The following ABCG2 variants were observed in gnomAD, a reference collection of about 807,000 sequenced individuals.
ABCG2 encodes broad substrate specificity ATP-binding cassette transporter ABCG2.
A neutral mutation model predicts 73.5 loss-of-function variants in ABCG2; 80 were observed. The ratio of observed to expected loss-of-function variants is 1.09; its 90% CI spans 0.91 to 1.31. The LOEUF (loss-of-function observed/expected upper bound fraction) is 1.31. Among genes scored for constraint, ABCG2 ranks in the 50% most tolerant of loss-of-function variants. The probability of loss-of-function intolerance (pLI) is 0.00; values close to 1 mark genes in which losing one functional copy is unlikely to be tolerated. For synonymous variants in ABCG2, 269 were observed against 282.4 expected (o/e 0.95, Z 0.48); for missense variants, 796 against 786.2 (o/e 1.01, Z -0.15).
chr4:88,201,399 A>G lies in ABCG2; in HGVS notation c.-20+29595T>C, dbSNP rs1268644207. Among the ~76,000 whole-genome samples, 5 of 152,300 alleles carry G rather than the reference A, an allele frequency of 3.3e-5. No individual in the cohort carries two copies. The East Asian group carries it at 7.7e-4, about 23-fold the overall frequency. On this transcript the variant is annotated intron_variant, in intron 1 of 15. Transcript: ENST00000515655. The stretch of plus-strand genomic sequence containing the variant: ...GAATTTGATAACCTAGATGAAATGG[A>G]CCAATTCCTTGAAAGATGCAATCTG...
chr4:88,172,903 T>G (rs1481631448), intron 1 of ABCG2, among the ~76,000 whole-genome samples: 2 of 152,266 alleles, frequency 1.3e-5, no homozygotes, highest in East Asian at 3.9e-4. Flanking sequence ...CTCTGTGTAG[T>G]GAACTTTTTA....
Position 88,131,051 on chromosome 4 carries a change from T to G in ABCG2, c.531+10A>C, listed in dbSNP as rs1015997722. On this transcript the variant is annotated intron_variant, in intron 5 of 15. Transcript: ENST00000237612. ...TGCTGATCATGATGCTTTCAGTTTTTCCACATTACCTTGGAGTCTGCCACT... is the reference window on the plus strand; with the variant it reads ...TGCTGATCATGATGCTTTCAGTTTTGCCACATTACCTTGGAGTCTGCCACT... 1.2e-5 allele frequency: 19 copies of G among 1,613,664 alleles called. No individual in the cohort carries two copies. The highest frequency in any genetic ancestry group is 1.7e-4 in the Middle Eastern group (1 of 6,060).
intron 1 of ABCG2, among the ~76,000 whole-genome samples, chr4:88,197,611 T>C (rs1728986242): frequency 6.6e-6 from 1 of 151,910 alleles, no homozygotes; most frequent in East Asian, 1.9e-4. Flanking sequence ...AGTAAGACCC[T>C]GTCTCAAAAT....
At chr4:88,110,556 G>A (rs1263267926) in intron 9 of ABCG2, among the ~76,000 whole-genome samples, 2 of 152,002 alleles carry the variant, frequency 1.3e-5, no homozygotes, top group East Asian at 3.9e-4. Context: ...AAAAAAAAGG[G>A]GGTCTTGCTT....
intron 1 of ABCG2, among the ~76,000 whole-genome samples, chr4:88,177,040 G>A (rs1728016960): frequency 6.6e-6 from 1 of 152,124 alleles, no homozygotes; most frequent in South Asian, 2.1e-4. Flanking sequence ...CTATGGAAAA[G>A]AGAAGCAAAA....
rs187463120 is a variant in ABCG2 at position 88,198,226 on chromosome 4, G to C, written c.-20+32768C>G. Among the ~76,000 whole-genome samples the C allele has an allele frequency of 2.4e-3, 361 of 152,072 alleles. 3 individuals are homozygous for C. The highest frequency in any genetic ancestry group is 7.9e-3 in the African/African-American group (327 of 41,454). On this transcript the variant is annotated intron_variant, in intron 1 of 15. Coordinates refer to the ABCG2 transcript ENST00000515655. ...CGCGTGCCTGTAATCCCAGCTACTC[G>C]GGAGGCTGAGACAGGAGAATAGCTT...
chr4:88,115,672 AT>A (rs1723528017), intron 7 of ABCG2, among the ~76,000 whole-genome samples: 1 of 151,626 alleles, frequency 6.6e-6, no homozygotes, highest in African/African-American at 2.4e-5. Flanking sequence ...CCAACCTTGG[AT>A]TTGCAGGGCA....
intron 1 of ABCG2, among the ~76,000 whole-genome samples, chr4:88,202,380 A>G (rs1729221703): frequency 7.4e-6 from 1 of 135,488 alleles, no homozygotes; most frequent in Non-Finnish European, 1.6e-5. Context: ...ATATATATGT[A>G]TATTTTAATT....
At chr4:88,101,155 A>G (rs1375167265) in intron 11 of ABCG2, 75 bp downstream of exon 11, 2 of 1,289,186 alleles carry the variant, frequency 1.6e-6, no homozygotes, top group South Asian at 1.3e-5. Flanking sequence ...CTTGGCCCCA[A>G]CCCCAGATGT....
At position 88,121,634 on chromosome 4, in the gene ABCG2, C is replaced by T. The variant is rs757389397; in HGVS notation, c.689+1G>A. ...AAGAATAATGTTTCCAGAGCATTTA[C>T]CTTTTCAGGAGCAAAAGGACAGCAT... On this transcript the variant is annotated splice_donor_variant, in intron 6 of 15. Transcript: ENST00000237612. LOFTEE classifies it high-confidence loss of function. 3.1e-6 allele frequency: 5 copies of T among 1,613,232 alleles called. No individual in the cohort carries two copies. Among genetic ancestry groups the T allele is most frequent in the South Asian group, 2.2e-5 (2 of 90,820 alleles).
intron 1 of ABCG2, among the ~76,000 whole-genome samples, chr4:88,197,830 A>T: frequency 6.6e-6 from 1 of 151,832 alleles, no homozygotes; most frequent in East Asian, 1.9e-4. Context: ...CCAGGAGTTC[A>T]AGACCAGCCT....
At chr4:88,177,156 AG>A (rs1728025640) in intron 1 of ABCG2, among the ~76,000 whole-genome samples, 1 of 152,106 alleles carries the variant, frequency 6.6e-6, no homozygotes, top group South Asian at 2.1e-4. Flanking sequence ...GCGGATCGCA[AG>A]GTCAGGAGAT....
intron 1 of ABCG2, among the ~76,000 whole-genome samples, chr4:88,153,387 G>A (rs1449907676): frequency 2.0e-5 from 3 of 152,106 alleles, no homozygotes; most frequent in Non-Finnish European, 4.4e-5. Flanking sequence ...GCTCAAATGG[G>A]CTGTATTTTG....
intron 13 of ABCG2, 24 bp downstream of exon 13, chr4:88,097,429 A>G (rs1324431836): frequency 6.2e-7 from 1 of 1,605,326 alleles, no homozygotes; most frequent in Non-Finnish European, 8.5e-7. Flanking sequence ...ATTCCTTATC[A>G]GAGCAAACAC....
intron 1 of ABCG2, among the ~76,000 whole-genome samples, chr4:88,197,070 A>T (rs1728962613): frequency 6.6e-6 from 1 of 151,938 alleles, no homozygotes; most frequent in Admixed American, 6.6e-5. Flanking sequence ...GCTTACTAAA[A>T]AAACCAAGAC....
intron 15 of ABCG2, among the ~76,000 whole-genome samples, chr4:88,093,604 C>A (rs142570363): frequency 2.3e-3 from 355 of 151,694 alleles, no homozygotes; most frequent in African/African-American, 8.0e-3. Flanking sequence ...TCCTCCTTAT[C>A]TGGTCCCATT....
intron 2 of ABCG2, among the ~76,000 whole-genome samples, chr4:88,134,117 T>G (rs1467685199): frequency 1.3e-5 from 2 of 152,176 alleles, no homozygotes; most frequent in African/African-American, 4.8e-5. Flanking sequence ...TTACAATATA[T>G]TCCACAGAGA....
chr4:88,180,817 C>T (rs1383637841), intron 1 of ABCG2, among the ~76,000 whole-genome samples: 1 of 151,864 alleles, frequency 6.6e-6, no homozygotes, highest in Admixed American at 6.6e-5. Flanking sequence ...TAAGGAATCA[C>T]CTGAAGGTAC....
chr4:88,154,289 G>A (rs112148554), intron 1 of ABCG2, among the ~76,000 whole-genome samples: 6 of 152,126 alleles, frequency 3.9e-5, no homozygotes, highest in South Asian at 4.1e-4. Flanking sequence ...GAAGTAAAGC[G>A]GCTTTGAGAA....
Sources: gnomAD v4.1 joint callset for allele counts (sites outside exome capture counted in the v4.1 genomes callset) on GRCh38, gnomAD v4.1.1 for gene constraint, MANE v1.5 for transcripts, NCBI Gene and HGNC (gene_info 2026-07-23, HGNC 2026-07-21) for gene names.